RAB33A: variants seen among roughly 807,000 people sequenced by gnomAD.
The protein encoded by RAB33A is ras-related protein Rab-33A.
RAB33A carries 6 observed loss-of-function variants against 12.0 expected under a neutral mutation model. The ratio of observed to expected loss-of-function variants is 0.50; its 90% CI spans 0.27 to 0.99. The LOEUF is 0.99. Among genes scored for constraint, RAB33A ranks in the 50% least tolerant of loss-of-function variants. The pLI, the probability that RAB33A is intolerant of heterozygous loss-of-function variation, is 0.11. For synonymous variants in RAB33A, 70 were observed against 82.4 expected, an observed-to-expected ratio of 0.85 and a Z score of 0.81; for missense variants, 109 against 192.0, an observed-to-expected ratio of 0.57 and a Z score of 2.55.
At chrX:130,136,948 G>A in the RAB33A span, 37 of 1,157,054 alleles carry the variant, frequency 3.2e-5, no homozygotes, top group African/African-American at 1.1e-4. Context: ...TAGCTGACTG[G>A]AGAATGGTGG....
upstream of RAB33A, among the ~76,000 whole-genome samples, chrX:130,168,210 CTTTTTTT>C (rs377586962): frequency 7.4e-5 from 7 of 94,147 alleles, no homozygotes; most frequent in African/African-American, 2.3e-4. Context: ...CAAAGATACT[CTTTTTTT>C]TTTTTTTTTT....
At chrX:130,149,655 C>A in the RAB33A span, 1 of 707,761 alleles carries the variant, frequency 1.4e-6, no homozygotes, top group Non-Finnish European at 2.2e-6. Flanking sequence ...AAATGAGAAG[C>A]TTTTGTCTAT....
the RAB33A span, chrX:130,136,584 G>A: frequency 7.9e-6 from 8 of 1,019,013 alleles, no homozygotes; most frequent in Middle Eastern, 5.1e-4. Context: ...GAGTAAAAAT[G>A]AGGCAAGGGG....
the RAB33A span, among the ~76,000 whole-genome samples, chrX:130,118,870 C>T: frequency 2.7e-5 from 3 of 111,323 alleles, no homozygotes; most frequent in African/African-American, 6.5e-5. Context: ...TCTTGGATGT[C>T]GGGTCCCCTC....
the RAB33A span, among the ~76,000 whole-genome samples, chrX:130,138,282 G>A: frequency 2.4e-4 from 26 of 110,193 alleles, no homozygotes; most frequent in African/African-American, 7.3e-4. Flanking sequence ...TGGCTAACAC[G>A]GTGAAACCCC....
the RAB33A span, among the ~76,000 whole-genome samples, chrX:130,113,424 T>C: frequency 2.9e-5 from 2 of 68,394 alleles, no homozygotes; most frequent in Non-Finnish European, 5.3e-5. Context: ...TCTTTTAGTT[T>C]AGATTTTTTT....
chrX:130,140,927 C>T, the RAB33A span, among the ~76,000 whole-genome samples: 1 of 112,098 alleles, frequency 8.9e-6, no homozygotes, highest in Non-Finnish European at 1.9e-5. Context: ...ACCAGCCTGG[C>T]CAACATGGCG....
At chrX:130,180,403 T>C (rs977070698) in intron 1 of RAB33A, among the ~76,000 whole-genome samples, 5 of 112,366 alleles carry the variant, frequency 4.4e-5, no homozygotes, top group African/African-American at 1.6e-4. Flanking sequence ...CCTCCCAACA[T>C]GCTGGGATTA....
chrX:130,134,690 CG>C, the RAB33A span, among the ~76,000 whole-genome samples: 1 of 110,227 alleles, frequency 9.1e-6, no homozygotes, highest in Non-Finnish European at 1.9e-5. Context: ...AACCTCCAGC[CG>C]GGGGTGAACT....
At chrX:130,149,385 C>T in the RAB33A span, 4 of 772,439 alleles carry the variant, frequency 5.2e-6, no homozygotes, top group Non-Finnish European at 4.0e-6. Flanking sequence ...TTCTACAAGA[C>T]ATCCATAAAT....
chrX:130,163,359 A>C, the RAB33A span, among the ~76,000 whole-genome samples: 1 of 111,248 alleles, frequency 9.0e-6, no homozygotes, highest in Non-Finnish European at 1.9e-5. Context: ...AATGGTGTAT[A>C]AACGAACCTT....
chrX:130,150,326 C>CTTTTT, the RAB33A span, among the ~76,000 whole-genome samples: 6 of 61,649 alleles, frequency 9.7e-5, no homozygotes, highest in African/African-American at 1.3e-4. Context: ...TTATTGGAGA[C>CTTTTT]TTTTTTTTTT....
the RAB33A span, chrX:130,165,463 G>C: frequency 1.3e-6 from 1 of 779,368 alleles, no homozygotes; most frequent in Non-Finnish European, 1.9e-6. Flanking sequence ...GTTTCTCGCG[G>C]GGACGCGGGG....
the RAB33A span, among the ~76,000 whole-genome samples, chrX:130,110,999 G>C: frequency 1.0e-5 from 1 of 95,721 alleles, no homozygotes; most frequent in Non-Finnish European, 2.1e-5. Flanking sequence ...GGGACTGCGG[G>C]CGGGCGGGGT....
chrX:130,117,048 T>C, the RAB33A span, among the ~76,000 whole-genome samples: 14 of 111,184 alleles, frequency 1.3e-4, no homozygotes, highest in Middle Eastern at 4.2e-3. Context: ...CCTGTCTCTA[T>C]TAAAAAATAC....
the RAB33A span, among the ~76,000 whole-genome samples, chrX:130,139,548 A>G: frequency 9.0e-6 from 1 of 111,484 alleles, no homozygotes; most frequent in African/African-American, 3.3e-5. Context: ...ACTATGGAAG[A>G]GCAATCAGAA....
intron 1 of RAB33A, among the ~76,000 whole-genome samples, chrX:130,173,450 G>A (rs1428536462): frequency 8.9e-6 from 1 of 111,807 alleles, no homozygotes; most frequent in Non-Finnish European, 1.9e-5. Flanking sequence ...CCTCCTCTGA[G>A]TGACGTGGAG....
the RAB33A span, chrX:130,145,715 T>C: frequency 2.0e-6 from 1 of 496,339 alleles, no homozygotes. Flanking sequence ...ATCATGGTCA[T>C]GACTTGCTTA....
upstream of RAB33A, among the ~76,000 whole-genome samples, chrX:130,169,886 C>G (rs764918129): frequency 1.8e-5 from 2 of 112,374 alleles, no homozygotes; most frequent in African/African-American, 6.5e-5. Flanking sequence ...TTACCCCTCT[C>G]CACCTTAAAG....
Sources: allele counts gnomAD v4.1 joint callset (sites outside exome capture counted in the v4.1 genomes callset), GRCh38; gene constraint gnomAD v4.1.1; transcripts MANE v1.5; gene names NCBI Gene and HGNC (gene_info 2026-07-23, HGNC 2026-07-21).